The following CDH18 variants were observed in gnomAD, a reference collection of about 807,000 sequenced individuals.
CDH18 encodes cadherin 18.
CDH18 carries 31 observed loss-of-function variants against 67.9 expected under a neutral mutation model. The observed-to-expected ratio is 0.46, with a 90% CI of 0.34 to 0.62. The LOEUF (loss-of-function observed/expected upper bound fraction) is 0.62, where lower values mean the gene tolerates loss of function less well. Ranked by LOEUF, CDH18 falls within the 20% of genes least tolerant of loss-of-function variation. The pLI, the probability that CDH18 is intolerant of heterozygous loss-of-function variation, is 0.01. For synonymous variants in CDH18, 362 were observed against 347.2 expected (o/e 1.04, Z -0.48); for missense variants, 890 against 975.5 (o/e 0.91, Z 1.17).
At chr5:19,755,267 T>C (rs957627863) in intron 3 of CDH18, among the ~76,000 whole-genome samples, 1 of 149,082 alleles carries the variant, frequency 6.7e-6, no homozygotes, top group Admixed American at 6.7e-5. Flanking sequence ...TAAAATTGAT[T>C]GACCATTAGC....
intron 2 of CDH18, among the ~76,000 whole-genome samples, chr5:19,916,906 G>A (rs968194199): frequency 2.0e-5 from 3 of 152,042 alleles, no homozygotes; most frequent in African/African-American, 4.8e-5. Flanking sequence ...AAAGAGCTGT[G>A]GAACATGCCC....
intron 2 of CDH18, among the ~76,000 whole-genome samples, chr5:20,227,862 C>T (rs1012196681): frequency 2.0e-5 from 3 of 151,448 alleles, no homozygotes; most frequent in African/African-American, 7.3e-5. Context: ...CTTAGTTCCA[C>T]AATTGTCTAC....
chr5:19,900,235 G>A (rs993054630), intron 2 of CDH18, among the ~76,000 whole-genome samples: 1 of 152,110 alleles, frequency 6.6e-6, no homozygotes, highest in East Asian at 1.9e-4. Flanking sequence ...CCAGAAGAAG[G>A]GGAGGGGAGG....
At chr5:19,904,611 C>G (rs116481813) in intron 2 of CDH18, among the ~76,000 whole-genome samples, 1 of 152,124 alleles carries the variant, frequency 6.6e-6, no homozygotes, top group Admixed American at 6.5e-5. Context: ...TGTCTAACTG[C>G]GGCTCTGTAA....
chr5:19,839,025 C>T lies in CDH18; in HGVS notation c.-39G>A. 1.3e-6 allele frequency: 2 copies of T among 1,527,902 alleles called. No individual in the cohort carries two copies. Among genetic ancestry groups the T allele is most frequent in the African/African-American group, 1.4e-5 (1 of 73,298 alleles). 94.6% of individuals were successfully genotyped at this position (1,527,902 alleles called of 1,614,324 possible). A position where few individuals can be genotyped will look rare whatever the true frequency, so the allele number is the denominator to read the frequency against. On this transcript the variant is annotated 5_prime_UTR_variant, in exon 3 of 13. Transcript: ENST00000382275. Reference sequence around the variant, plus strand: ...TCCAGTTCACAGTTTTCCTTCCTTTCCTTGTCAGCTACGAAAGCTTAGTGA... The same window carrying T: ...TCCAGTTCACAGTTTTCCTTCCTTTTCTTGTCAGCTACGAAAGCTTAGTGA...
At chr5:20,254,164 G>A (rs148917981) in intron 2 of CDH18, among the ~76,000 whole-genome samples, 1,814 of 152,262 alleles carry the variant, frequency 0.012, 39 homozygotes, top group African/African-American at 0.042. Context: ...CCAGGCTAGA[G>A]TGCAGTGGTG....
At chr5:20,301,056 T>C (rs1747941007) in intron 1 of CDH18, among the ~76,000 whole-genome samples, 1 of 152,216 alleles carries the variant, frequency 6.6e-6, no homozygotes, top group Non-Finnish European at 1.5e-5. Flanking sequence ...GATGTTATTC[T>C]AATATCTTTA....
At chr5:20,402,253 T>A (rs1158969591) in intron 1 of CDH18, among the ~76,000 whole-genome samples, 2 of 152,184 alleles carry the variant, frequency 1.3e-5, no homozygotes, top group Non-Finnish European at 2.9e-5. Context: ...CCAGAATGTC[T>A]CTCAATCTGA....
intron 2 of CDH18, among the ~76,000 whole-genome samples, chr5:19,901,500 C>T (rs1789936144): frequency 6.6e-6 from 1 of 152,038 alleles, no homozygotes; most frequent in South Asian, 2.1e-4. Context: ...TGTCTTAAAA[C>T]TCTACTATGG....
chr5:20,261,395 C>T (rs1203767014), intron 1 of CDH18, among the ~76,000 whole-genome samples: 1 of 152,004 alleles, frequency 6.6e-6, no homozygotes, highest in Non-Finnish European at 1.5e-5. Context: ...ATTATTTATC[C>T]TTTATTTAAA....
chr5:20,464,120 G>C (rs937685038), intron 1 of CDH18, among the ~76,000 whole-genome samples: 1 of 151,944 alleles, frequency 6.6e-6, no homozygotes, highest in African/African-American at 2.4e-5. Flanking sequence ...TAACTGATGA[G>C]GCTGACACAC....
chr5:20,493,300 G>T (rs2126397342), intron 1 of CDH18, among the ~76,000 whole-genome samples: 1 of 121,128 alleles, frequency 8.3e-6, no homozygotes, highest in South Asian at 2.9e-4. Flanking sequence ...AGTGAGCCGA[G>T]ATCATGCAAC....
intron 5 of CDH18, among the ~76,000 whole-genome samples, chr5:19,716,542 T>C (rs1765366546): frequency 6.6e-6 from 1 of 152,034 alleles, no homozygotes; most frequent in African/African-American, 2.4e-5. Context: ...ATAGTCATTA[T>C]TAGGTGTAGG....
At chr5:19,687,156 C>T (rs1345804180) in intron 5 of CDH18, among the ~76,000 whole-genome samples, 3 of 152,072 alleles carry the variant, frequency 2.0e-5, no homozygotes, top group Non-Finnish European at 2.9e-5. Context: ...TGGAGAGGTC[C>T]TTGATGCCGG....
chr5:20,111,757 A>G (rs1407800621), intron 2 of CDH18, among the ~76,000 whole-genome samples: 1 of 151,688 alleles, frequency 6.6e-6, no homozygotes, highest in Non-Finnish European at 1.5e-5. Context: ...GCTGGGCAGG[A>G]TGGTCTCGAT....
At chr5:20,550,801 C>T (rs1057385676) in intron 1 of CDH18, among the ~76,000 whole-genome samples, 4 of 152,116 alleles carry the variant, frequency 2.6e-5, no homozygotes, top group Non-Finnish European at 4.4e-5. Flanking sequence ...TATTTTGGCT[C>T]GTGGTTCTGA....
chr5:20,068,050 CCT>C (rs1390465382), intron 2 of CDH18, among the ~76,000 whole-genome samples: 1 of 151,950 alleles, frequency 6.6e-6, no homozygotes, highest in African/African-American at 2.4e-5. Flanking sequence ...TTTATAAACC[CCT>C]GTCCCAATAC....
intron 5 of CDH18, among the ~76,000 whole-genome samples, chr5:19,719,315 T>A (rs1765714235): frequency 6.6e-6 from 1 of 152,032 alleles, no homozygotes; most frequent in African/African-American, 2.4e-5. Flanking sequence ...TTTATGCATG[T>A]ATGCCTTTGT....
intron 1 of CDH18, among the ~76,000 whole-genome samples, chr5:20,385,094 C>A (rs996753210): frequency 2.0e-5 from 3 of 152,134 alleles, no homozygotes; most frequent in Admixed American, 2.0e-4. Context: ...ACTTTGGCCA[C>A]CCAAAGTGCT....
Sources: allele counts gnomAD v4.1 joint callset (sites outside exome capture counted in the v4.1 genomes callset), GRCh38; gene constraint gnomAD v4.1.1; transcripts MANE v1.5; gene names NCBI Gene and HGNC (gene_info 2026-07-23, HGNC 2026-07-21).